Variants in ZBTB16 observed in about 807,000 individuals in gnomAD.
ZBTB16 encodes the protein zinc finger and BTB domain containing 16, also known as zinc finger and BTB domain-containing protein 16.
In ZBTB16, 8 loss-of-function variants were observed where a neutral mutation model predicts 56.8. The ratio of observed to expected loss-of-function variants is 0.14; its 90% CI spans 0.08 to 0.25. ZBTB16 has a LOEUF of 0.25. Among genes scored for constraint, ZBTB16 ranks in the 10% least tolerant of loss-of-function variants. The pLI, the probability that ZBTB16 is intolerant of heterozygous loss-of-function variation, is 1.00. For synonymous variants in ZBTB16, 363 were observed against 368.5 expected, an observed-to-expected ratio of 0.98 and a Z score of 0.17; for missense variants, 625 against 903.0, an observed-to-expected ratio of 0.69 and a Z score of 3.95.
At chr11:114,127,461 A>G (rs970373878) in intron 2 of ZBTB16, among the ~76,000 whole-genome samples, 1 of 152,166 alleles carries the variant, frequency 6.6e-6, no homozygotes, top group African/African-American at 2.4e-5. Context: ...AACCACTGTA[A>G]TGGTCTGATG....
intron 2 of ZBTB16, among the ~76,000 whole-genome samples, chr11:114,153,537 TG>T (rs1399394504): frequency 6.6e-6 from 1 of 152,204 alleles, no homozygotes; most frequent in Non-Finnish European, 1.5e-5. Flanking sequence ...TGGTAACTTC[TG>T]GAAGTTTCTT....
chr11:114,070,234 G>A (rs953470394), intron 2 of ZBTB16, among the ~76,000 whole-genome samples: 22 of 149,846 alleles, frequency 1.5e-4, no homozygotes, highest in African/African-American at 2.7e-4. Context: ...TCAGCCTCCC[G>A]AGTAGCTGGG....
intron 4 of ZBTB16, among the ~76,000 whole-genome samples, chr11:114,214,310 G>T (rs193007781): frequency 2.6e-5 from 4 of 152,184 alleles, no homozygotes; most frequent in Non-Finnish European, 4.4e-5. Context: ...GAAGTTTTTT[G>T]AAAATGATAT....
At chr11:114,078,371 T>C (rs939277818) in intron 2 of ZBTB16, among the ~76,000 whole-genome samples, 3 of 152,236 alleles carry the variant, frequency 2.0e-5, no homozygotes, top group Admixed American at 6.5e-5. Context: ...AAAAATGATG[T>C]TCATCTGAAA....
At chr11:114,239,634 T>C (rs762423272) in intron 4 of ZBTB16, among the ~76,000 whole-genome samples, 3 of 152,204 alleles carry the variant, frequency 2.0e-5, no homozygotes, top group Non-Finnish European at 4.4e-5. Context: ...CTACTCAGCA[T>C]TTCTGAGAGA....
At chr11:114,196,245 A>G (rs1943605556) in intron 4 of ZBTB16, among the ~76,000 whole-genome samples, 1 of 152,204 alleles carries the variant, frequency 6.6e-6, no homozygotes, top group Non-Finnish European at 1.5e-5. Context: ...AGGAGGCTTC[A>G]GTGACTGGTG....
chr11:114,088,182 C>A (rs1940032322), intron 2 of ZBTB16, among the ~76,000 whole-genome samples: 1 of 131,836 alleles, frequency 7.6e-6, no homozygotes, highest in South Asian at 2.4e-4. Context: ...CACTCTGTTG[C>A]CCAGGCTGGA....
chr11:114,166,428 A>G (rs1382297880), intron 3 of ZBTB16, among the ~76,000 whole-genome samples: 1 of 152,092 alleles, frequency 6.6e-6, no homozygotes, highest in Non-Finnish European at 1.5e-5. Context: ...AGTGTCTCCT[A>G]GAAATCGGGG....
At chr11:114,184,117 A>G (rs1270302940) in intron 3 of ZBTB16, among the ~76,000 whole-genome samples, 1 of 152,214 alleles carries the variant, frequency 6.6e-6, no homozygotes, top group Non-Finnish European at 1.5e-5. Context: ...GGGGTACTTT[A>G]TCACCCACTT....
intron 5 of ZBTB16, among the ~76,000 whole-genome samples, chr11:114,244,893 C>G (rs916631117): frequency 6.6e-6 from 1 of 152,134 alleles, no homozygotes; most frequent in South Asian, 2.1e-4. Flanking sequence ...GGGTGGCTGC[C>G]GATGTACGTT....
At chr11:114,138,387 G>C (rs1941852633) in intron 2 of ZBTB16, among the ~76,000 whole-genome samples, 1 of 152,148 alleles carries the variant, frequency 6.6e-6, no homozygotes. Flanking sequence ...TTTCTACTTA[G>C]GTTGCCTGGA....
intron 4 of ZBTB16, among the ~76,000 whole-genome samples, chr11:114,202,783 A>C (rs555220984): frequency 6.6e-6 from 1 of 152,274 alleles, no homozygotes; most frequent in East Asian, 1.9e-4. Context: ...GAATGCAGTA[A>C]AAGTGTGTGT....
intron 4 of ZBTB16, among the ~76,000 whole-genome samples, chr11:114,227,661 C>A (rs977430100): frequency 2.0e-5 from 3 of 152,106 alleles, no homozygotes; most frequent in Admixed American, 6.5e-5. Context: ...AAGACTAAGG[C>A]TGGGCCTCCT....
At chr11:114,175,636 A>G (rs1057209330) in intron 3 of ZBTB16, among the ~76,000 whole-genome samples, 3 of 152,060 alleles carry the variant, frequency 2.0e-5, no homozygotes, top group Admixed American at 6.6e-5. Flanking sequence ...GGAATTATCA[A>G]TATTGAGATG....
At chr11:114,148,440 T>TGTCA in intron 2 of ZBTB16, among the ~76,000 whole-genome samples, 1 of 90,134 alleles carries the variant, frequency 1.1e-5, no homozygotes, top group African/African-American at 4.0e-5. Context: ...TCTCTCTTTC[T>TGTCA]CTCTCTCTGT....
At chr11:114,241,677 G>A (rs936876988) in intron 4 of ZBTB16, among the ~76,000 whole-genome samples, 2 of 152,174 alleles carry the variant, frequency 1.3e-5, no homozygotes, top group African/African-American at 2.4e-5. Context: ...CTGTGCCTCA[G>A]TCTCCTTGTC....
At chr11:114,198,331 T>A (rs902089631) in intron 4 of ZBTB16, among the ~76,000 whole-genome samples, 1 of 152,208 alleles carries the variant, frequency 6.6e-6, no homozygotes, top group African/African-American at 2.4e-5. Context: ...CAGCATAGAT[T>A]TACTCTTGAC....
chr11:114,167,248 T>TTG (rs1942797517), intron 3 of ZBTB16, among the ~76,000 whole-genome samples: 1 of 142,132 alleles, frequency 7.0e-6, no homozygotes, highest in South Asian at 2.3e-4. Flanking sequence ...TTTTTTTTTT[T>TTG]TTTTTGACAA....
intron 2 of ZBTB16, among the ~76,000 whole-genome samples, chr11:114,130,261 C>T (rs1175078871): frequency 1.3e-5 from 2 of 152,192 alleles, no homozygotes; most frequent in Non-Finnish European, 2.9e-5. Flanking sequence ...GAATGTATCC[C>T]TCTGGACTCC....
Sources: gnomAD v4.1 joint callset for allele counts (sites outside exome capture counted in the v4.1 genomes callset) on GRCh38, gnomAD v4.1.1 for gene constraint, MANE v1.5 for transcripts, NCBI Gene and HGNC (gene_info 2026-07-23, HGNC 2026-07-21) for gene names.